Variants in ZNF300 observed in about 807,000 individuals in gnomAD.
ZNF300 encodes zinc finger protein 300.
ZNF300 carries 6 observed loss-of-function variants against 13.9 expected under a neutral mutation model. The ratio of observed to expected loss-of-function variants is 0.43; its 90% CI spans 0.24 to 0.85. ZNF300 has a LOEUF of 0.85. Among genes scored for constraint, ZNF300 ranks in the 40% least tolerant of loss-of-function variants. The probability of loss-of-function intolerance (pLI) is 0.25; values close to 1 mark genes in which losing one functional copy is unlikely to be tolerated. For missense variants in ZNF300, 662 were observed against 714.2 expected (o/e 0.93, Z 0.83); for synonymous variants, 237 against 242.2 (o/e 0.98, Z 0.20).
At position 150,896,327 on chromosome 5, in the gene ZNF300, T is replaced by C; in HGVS notation, c.912A>G (p.Lys304=). Residue 304 remains lysine (K), a synonymous_variant, in exon 6 of 6, where the codon AAA becomes AAG. Coordinates refer to ENST00000274599, the MANE Select transcript of ZNF300 (RefSeq NM_052860.4). ...CAAGATGAAACTTCTCACTGAAGGC[T>C]TTTCCGCATGCACCACAATCATATG... is the stretch of plus-strand genomic sequence containing the variant. ...KKPYDCGACG[K]AFSEKFHLVV... is the part of the protein sequence containing the mutation. 4 of 1,613,642 alleles carry C rather than the reference T, an allele frequency of 2.5e-6. No individual in the cohort carries two copies. The highest frequency in any genetic ancestry group is 3.4e-6 in the Non-Finnish European group (4 of 1,179,790).
At position 150,896,158 on chromosome 5, in the gene ZNF300, C is replaced by T. The variant is rs778945218; in HGVS notation, c.1081G>A (p.Ala361Thr). ...KPYECSECGKAFSQKSPLIIH... is the reference protein window; with the variant it reads ...KPYECSECGKTFSQKSPLIIH... ...ATGAGGGGTGATTTCTGGGAGAAGG[C>T]TTTCCCGCATTCACTACATTCATAG... Residue 361 changes from alanine to threonine, a missense_variant, in exon 6 of 6, where the codon GCC becomes ACC. Physicochemically the swap from Ala to Thr is moderately conservative, Grantham distance 58. Transcript: ENST00000274599. 3 of 1,613,308 alleles carry T rather than the reference C, an allele frequency of 1.9e-6. No homozygotes were observed. Among genetic ancestry groups the T allele is most frequent in the East Asian group, 4.5e-5 (2 of 44,848 alleles).
chr5:150,901,735 A>G (rs1446354257), intron 3 of ZNF300, among the ~76,000 whole-genome samples: 1 of 151,978 alleles, frequency 6.6e-6, no homozygotes, highest in Non-Finnish European at 1.5e-5. Flanking sequence ...TCTCACAACA[A>G]CCCTATGGGG....
At chr5:150,903,012 A>T (rs1755037798) in intron 3 of ZNF300, 129 bp downstream of exon 3, 1 of 947,224 alleles carries the variant, frequency 1.1e-6, no homozygotes, top group Admixed American at 2.3e-5. Flanking sequence ...TTACCTAGAA[A>T]CTCTTTCGAG....
Position 150,895,118 on chromosome 5 carries a change from T to A in ZNF300, c.*306A>T. On this transcript the variant is annotated 3_prime_UTR_variant, in exon 6 of 6. Coordinates refer to ENST00000274599, the MANE Select transcript of ZNF300 (RefSeq NM_052860.4). ...CAAGCTAATATTAGCAGTTTCACAA[T>A]GGCTGATTATCATTTTGTAGTATAA... 4.2e-6 allele frequency: 1 copy of A among 239,074 alleles called. No homozygotes were observed. The highest frequency in any genetic ancestry group is 8.0e-6 in the Non-Finnish European group (1 of 125,482). The allele number at this position is 239,074 out of a possible 1,614,324, so 14.8% of individuals were successfully genotyped here.
At chr5:150,900,289 T>C (rs917315122) in intron 3 of ZNF300, among the ~76,000 whole-genome samples, 2 of 152,126 alleles carry the variant, frequency 1.3e-5, no homozygotes, top group African/African-American at 4.8e-5. Context: ...GACCTTTCCA[T>C]GAAGCACTCT....
chr5:150,899,283 A>G (rs1035956162), intron 3 of ZNF300, among the ~76,000 whole-genome samples: 3 of 152,096 alleles, frequency 2.0e-5, no homozygotes, highest in Non-Finnish European at 2.9e-5. Context: ...ATACCTGGGA[A>G]AAAGAATAGA....
chr5:150,904,650 T>G (rs1451057381), intron 1 of ZNF300, 54 bp downstream of exon 1: 1 of 152,740 alleles, frequency 6.5e-6, no homozygotes, highest in Admixed American at 6.6e-5. Flanking sequence ...ATAAACCTCC[T>G]ACCACTGACC....
chr5:150,903,444 G>T, intron 2 of ZNF300: 1 of 1,294,046 alleles, frequency 7.7e-7, no homozygotes, highest in Non-Finnish European at 1.1e-6. Context: ...GTGAAGATAT[G>T]TTTCCAGTTG....
chr5:150,898,460 A>G lies in ZNF300; in HGVS notation c.110T>C (p.Met37Thr). Reference sequence around the variant, plus strand: ...GACCAGGTGGCTGTAGTTCTCCAGCATCACATCCCTGTACAGGGTCCTCTG... The same window carrying G: ...GACCAGGTGGCTGTAGTTCTCCAGCGTCACATCCCTGTACAGGGTCCTCTG... ...PSQRTLYRDVMLENYSHLVSM... is the reference protein window; with the variant it reads ...PSQRTLYRDVTLENYSHLVSM... Residue 37 changes from methionine to threonine, a missense_variant, in exon 4 of 6, where the codon ATG (methionine) becomes ACG (threonine). Coordinates refer to ENST00000274599, the MANE Select transcript of ZNF300 (RefSeq NM_052860.4). The G allele has an allele frequency of 6.2e-7, 1 of 1,613,488 alleles. No individual in the cohort carries two copies. The highest frequency in any genetic ancestry group is 8.5e-7 in the Non-Finnish European group (1 of 1,179,582).
chr5:150,898,000 G>T, intron 5 of ZNF300, 62 bp downstream of exon 5: 1 of 1,563,598 alleles, frequency 6.4e-7, no homozygotes, highest in Middle Eastern at 1.7e-4. Flanking sequence ...TTTTGATAAG[G>T]ATAGAAACAT....
Position 150,898,058 on chromosome 5 carries a change from T to G in ZNF300, c.265+4A>C, listed in dbSNP as rs776095721. 9 of 1,608,084 alleles carry G rather than the reference T, an allele frequency of 5.6e-6. No homozygotes were observed. In the South Asian group the frequency reaches 8.9e-5, roughly 16 times the overall value. On this transcript the variant is annotated splice_donor_region_variant and intron_variant, in intron 5 of 5. Coordinates refer to ENST00000274599, the MANE Select transcript of ZNF300 (RefSeq NM_052860.4). ...AAAAAAACATAAATTGATATTTCAC[T>G]TCCCTTGTCTCCCATCTGCCTGATA...
At position 150,895,451 on chromosome 5, in the gene ZNF300, C is replaced by G. The variant is rs139710646; in HGVS notation, c.1788G>C (p.Gln596His). 281 of 1,608,834 alleles carry G rather than the reference C, an allele frequency of 1.7e-4. 1 individual carries two copies. Among genetic ancestry groups the G allele is most frequent in the Non-Finnish European group, 2.3e-4 (266 of 1,176,814 alleles). ...FIQKSQLTVH[Q>H]RIHTVVKS ...ATGATTTTACCACTGTGTGAATTCT[C>G]TGGTGTACAGTTAGTTGTGACTTCT... The change falls in exon 6 of 6, where the codon CAG (glutamine) becomes CAC (histidine). Residue 596 changes from glutamine to histidine, a missense_variant. Physicochemically the swap from Gln to His is conservative, Grantham distance 24. Transcript: ENST00000274599.
chr5:150,899,886 AATG>A (rs946770476), intron 3 of ZNF300, among the ~76,000 whole-genome samples: 1 of 152,156 alleles, frequency 6.6e-6, no homozygotes, highest in African/African-American at 2.4e-5. Context: ...TCAGAATGAA[AATG>A]ATTATTTCAA....
In ZNF300 at chr5:150,894,747, A is replaced by G. The variant is rs146356008; in HGVS notation, c.*677T>C. 65 of 152,456 alleles carry G rather than the reference A, an allele frequency of 4.3e-4. 3 individuals are homozygous for G. Among genetic ancestry groups the G allele is most frequent in the African/African-American group, 1.5e-3 (64 of 41,592 alleles). 9.4% of individuals were successfully genotyped at this position (152,456 alleles called of 1,614,324 possible). On this transcript the variant is annotated 3_prime_UTR_variant, in exon 6 of 6. Coordinates refer to ENST00000274599, the MANE Select transcript of ZNF300 (RefSeq NM_052860.4). Reference sequence around the variant, plus strand: ...AAGTCACACAATCTGTGAGGCACTGAGCCAGGATTAAACCCAAGGCCATCT... The same window carrying G: ...AAGTCACACAATCTGTGAGGCACTGGGCCAGGATTAAACCCAAGGCCATCT...
rs1440369856 is a variant in ZNF300, at chr5:150,894,893, A to G, written c.*531T>C. On this transcript the variant is annotated 3_prime_UTR_variant, in exon 6 of 6. Transcript: ENST00000274599. ...AGATGCAGGTCAACTTATATGCTTG[A>G]GATGGGAAAATGCATACAGATCAAC... 1.3e-5 allele frequency: 2 copies of G among 152,356 alleles called. No individual in the cohort carries two copies. The highest frequency in any genetic ancestry group is 2.9e-5 in the Non-Finnish European group (2 of 68,052). The allele number at this position is 152,356 out of a possible 1,614,324, so 9.4% of individuals were successfully genotyped here.
chr5:150,903,390 T>G (rs1581664695), intron 2 of ZNF300: 1 of 1,536,576 alleles, frequency 6.5e-7, no homozygotes, highest in East Asian at 2.4e-5. Flanking sequence ...GTACCTATAA[T>G]ATGATCACAT....
intron 3 of ZNF300, among the ~76,000 whole-genome samples, chr5:150,902,122 T>C (rs1755014583): frequency 6.6e-6 from 1 of 152,174 alleles, no homozygotes; most frequent in South Asian, 2.1e-4. Flanking sequence ...AAGGTCTCTC[T>C]GTTTTAAATT....
intron 3 of ZNF300, among the ~76,000 whole-genome samples, chr5:150,902,335 A>G (rs559805351): frequency 3.3e-5 from 5 of 152,340 alleles, no homozygotes; most frequent in Non-Finnish European, 7.4e-5. Context: ...ATAATTTAAG[A>G]ATGGCTTTTT....
At chr5:150,903,222 T>C (rs2290989) in intron 2 of ZNF300, 40 bp from the exon 3 acceptor site, 71,203 of 1,613,650 alleles carry the variant, frequency 0.044, 2,053 homozygotes, top group East Asian at 0.15. Context: ...TTTTTCATAG[T>C]CCAAACCCAG....
Sources: gnomAD v4.1 joint callset for allele counts (sites outside exome capture counted in the v4.1 genomes callset) on GRCh38, gnomAD v4.1.1 for gene constraint, MANE v1.5 for transcripts, NCBI Gene and HGNC (gene_info 2026-07-23, HGNC 2026-07-21) for gene names.